BMPER: variants seen among roughly 807,000 people sequenced by gnomAD.
BMPER encodes BMP-binding endothelial regulator protein.
Under a neutral mutation model 87.3 loss-of-function variants are expected in BMPER, and 45 were observed. The ratio of observed to expected loss-of-function variants is 0.52; its 90% confidence interval spans 0.41 to 0.66. The LOEUF (loss-of-function observed/expected upper bound fraction) is 0.66, where lower values mean the gene tolerates loss of function less well. Among genes scored for constraint, BMPER ranks in the 30% least tolerant of loss-of-function variants. The pLI is 0.00. For missense variants in BMPER, 784 were observed against 867.5 expected, an observed-to-expected ratio of 0.90 and a Z score of 1.21; for synonymous variants, 326 against 316.2, an observed-to-expected ratio of 1.03 and a Z score of -0.33.
intron 13 of BMPER, among the ~76,000 whole-genome samples, chr7:34,097,429 C>T (rs937130782): frequency 4.6e-5 from 7 of 152,210 alleles, no homozygotes; most frequent in Non-Finnish European, 1.5e-5. Context: ...GTGTTTTCCA[C>T]CATTAACTAT....
chr7:33,922,171 C>T (rs1784249270), intron 2 of BMPER: 1 of 188,954 alleles, frequency 5.3e-6, no homozygotes, highest in Non-Finnish European at 1.1e-5. Flanking sequence ...TGGACAGTTT[C>T]CCATGCTTTA....
intron 11 of BMPER, among the ~76,000 whole-genome samples, chr7:34,063,965 G>T (rs1223856630): frequency 6.6e-6 from 1 of 152,204 alleles, no homozygotes; most frequent in African/African-American, 2.4e-5. Context: ...TTGTTGTCAG[G>T]CAGGATCACT....
At chr7:34,080,838 G>C (rs1276191291) in intron 12 of BMPER, among the ~76,000 whole-genome samples, 1 of 152,170 alleles carries the variant, frequency 6.6e-6, no homozygotes, top group African/African-American at 2.4e-5. Context: ...TCCATTCGCA[G>C]CTGACACAAC....
chr7:33,917,739 C>A (rs1480057016), intron 2 of BMPER, among the ~76,000 whole-genome samples: 1 of 152,182 alleles, frequency 6.6e-6, no homozygotes, highest in East Asian at 1.9e-4. Flanking sequence ...CAAAACAACT[C>A]TTGTATGCTT....
chr7:34,047,270 T>TC (rs1364532081), intron 7 of BMPER, among the ~76,000 whole-genome samples: 1 of 151,980 alleles, frequency 6.6e-6, no homozygotes, highest in African/African-American at 2.4e-5. Flanking sequence ...TTCTTCTTCT[T>TC]TTTTGTTTTT....
intron 14 of BMPER, among the ~76,000 whole-genome samples, chr7:34,151,702 C>T (rs1419843021): frequency 1.3e-5 from 2 of 152,150 alleles, no homozygotes; most frequent in African/African-American, 4.8e-5. Flanking sequence ...CAGGTGTTTA[C>T]CTAGAGTCAA....
chr7:34,093,493 AG>A, intron 13 of BMPER, among the ~76,000 whole-genome samples: 1 of 152,332 alleles, frequency 6.6e-6, no homozygotes, highest in Admixed American at 6.5e-5. Context: ...CAAATGCCTC[AG>A]GCAAAAAACA....
chr7:33,979,347 C>T (rs1357957061), intron 6 of BMPER, among the ~76,000 whole-genome samples: 2 of 151,266 alleles, frequency 1.3e-5, no homozygotes, highest in Non-Finnish European at 2.9e-5. Flanking sequence ...ACCACCACCC[C>T]CCTGCAACTC....
intron 6 of BMPER, among the ~76,000 whole-genome samples, chr7:33,999,416 G>A (rs1340127602): frequency 6.6e-6 from 1 of 152,124 alleles, no homozygotes; most frequent in African/African-American, 2.4e-5. Flanking sequence ...AGGAAGACTT[G>A]TTTGTAAACT....
At chr7:34,033,047 A>G (rs753467640) in intron 6 of BMPER, among the ~76,000 whole-genome samples, 2 of 152,214 alleles carry the variant, frequency 1.3e-5, no homozygotes, top group African/African-American at 2.4e-5. Context: ...GTCATTGTAT[A>G]TGGAAGTCCA....
At chr7:34,149,866 C>T (rs1387680354) in intron 14 of BMPER, among the ~76,000 whole-genome samples, 2 of 151,960 alleles carry the variant, frequency 1.3e-5, no homozygotes, top group Non-Finnish European at 2.9e-5. Flanking sequence ...TTGCAGAAGA[C>T]TAGGCTAAAA....
intron 6 of BMPER, among the ~76,000 whole-genome samples, chr7:33,993,740 T>C (rs1193690217): frequency 6.6e-6 from 1 of 152,168 alleles, no homozygotes; most frequent in Non-Finnish European, 1.5e-5. Context: ...TTTTTCCCCA[T>C]CTTTGTGGTT....
chr7:34,101,448 A>G (rs1789680101), intron 13 of BMPER, among the ~76,000 whole-genome samples: 1 of 152,288 alleles, frequency 6.6e-6, no homozygotes, highest in East Asian at 1.9e-4. Context: ...AAAATCTCTT[A>G]ACAGAATTTT....
intron 13 of BMPER, among the ~76,000 whole-genome samples, chr7:34,129,618 G>GAAAGAAAGAAAA (rs1554322703): frequency 5.7e-5 from 3 of 52,420 alleles, no homozygotes; most frequent in Non-Finnish European, 1.1e-4. Context: ...GAAAGAGAGA[G>GAAAGAAAGAAAA]AGAGAGAAAG....
At chr7:34,031,921 TATATATAC>T (rs1157885870) in intron 6 of BMPER, among the ~76,000 whole-genome samples, 82 of 109,824 alleles carry the variant, frequency 7.5e-4, no homozygotes, top group African/African-American at 3.0e-3. Flanking sequence ...TATATATATA[TATATATAC>T]ACACACACAC....
At position 34,079,126 on chromosome 7, in the gene BMPER, C is replaced by T. The variant is rs1052863523; in HGVS notation, c.1348C>T (p.Arg450Cys). 10 of 1,613,782 alleles carry T rather than the reference C, an allele frequency of 6.2e-6. No individual in the cohort carries two copies. Among genetic ancestry groups the T allele is most frequent in the African/African-American group, 1.3e-5 (1 of 74,938 alleles). ...CGGCTCGCGCATCGCGCTCCCCTGC[C>T]GCGCGCCACACTTCCACATCGACCT... ...WNGSRIALPC[R>C]APHFHIDLDG... The change falls in exon 12 of 15, where the codon CGC becomes TGC. Residue 450 changes from arginine (R) to cysteine (C), a missense_variant. By Grantham distance (180) the Arg-to-Cys change is radical. Transcript: ENST00000649409.
chr7:33,994,726 G>A (rs966279209), intron 6 of BMPER, among the ~76,000 whole-genome samples: 6 of 152,130 alleles, frequency 3.9e-5, no homozygotes, highest in African/African-American at 1.2e-4. Flanking sequence ...GCCATGGGGG[G>A]ATTGTTGTGA....
At chr7:34,009,376 A>C (rs1786818931) in intron 6 of BMPER, among the ~76,000 whole-genome samples, 1 of 151,890 alleles carries the variant, frequency 6.6e-6, no homozygotes, top group Non-Finnish European at 1.5e-5. Context: ...ACCTACTCAG[A>C]TTATGTTTTA....
chr7:34,129,871 T>C (rs1790534926), intron 13 of BMPER, among the ~76,000 whole-genome samples: 1 of 152,230 alleles, frequency 6.6e-6, no homozygotes. Flanking sequence ...GCTTCTTTGC[T>C]AGATATTTGG....
Sources: gnomAD v4.1 joint callset for allele counts (sites outside exome capture counted in the v4.1 genomes callset) on GRCh38, gnomAD v4.1.1 for gene constraint, MANE v1.5 for transcripts, NCBI Gene and HGNC (gene_info 2026-07-23, HGNC 2026-07-21) for gene names.